The following NAALADL2 variants were observed in gnomAD, a reference collection of about 807,000 sequenced individuals.
The protein encoded by NAALADL2 is N-acetylated alpha-linked acidic dipeptidase like 2.
A neutral mutation model predicts 87.2 loss-of-function variants in NAALADL2; 76 were observed. The ratio of observed to expected loss-of-function variants is 0.87; its 90% CI spans 0.72 to 1.05. The LOEUF (loss-of-function observed/expected upper bound fraction) is 1.05. Among genes scored for constraint, NAALADL2 ranks in the 50% least tolerant of loss-of-function variants. The probability of loss-of-function intolerance (pLI) is 0.00; values close to 1 mark genes in which losing one functional copy is unlikely to be tolerated. For synonymous variants in NAALADL2, 354 were observed against 331.0 expected, an observed-to-expected ratio of 1.07 and a Z score of -0.75; for missense variants, 1,089 against 945.8, an observed-to-expected ratio of 1.15 and a Z score of -1.99.
At chr3:175,678,115 G>T (rs1211222992) in intron 11 of NAALADL2, among the ~76,000 whole-genome samples, 2 of 152,082 alleles carry the variant, frequency 1.3e-5, no homozygotes, top group Non-Finnish European at 2.9e-5. Flanking sequence ...TCATGTCAGA[G>T]GTTAAGTTTT....
chr3:175,682,535 A>T (rs1040383473), intron 11 of NAALADL2, among the ~76,000 whole-genome samples: 2 of 152,006 alleles, frequency 1.3e-5, no homozygotes, highest in African/African-American at 4.8e-5. Flanking sequence ...CAGATTGAGG[A>T]ACTCTAATAT....
In NAALADL2 at chr3:174,584,303, G is replaced by A. The variant is rs185251180; in HGVS notation, c.-115+33666G>A. Among the ~76,000 whole-genome samples the A allele has an allele frequency of 2.3e-4, 35 of 152,244 alleles. 1 individual carries two copies. The South Asian group carries it at 6.2e-3, about 27-fold the overall frequency. On this transcript the variant is annotated intron_variant, in intron 2 of 3. Transcript: ENST00000434257. ...AGCAAGTAATCAGATACACATAAAC[G>A]TATAAGGTCACTGGGTGTAGGGTGT...
chr3:175,126,731 G>C (rs888429050), intron 2 of NAALADL2, among the ~76,000 whole-genome samples: 1 of 152,026 alleles, frequency 6.6e-6, no homozygotes, highest in Non-Finnish European at 1.5e-5. Context: ...GATTAATGAA[G>C]TTTCCTGAGG....
rs538500858 is a variant in NAALADL2 at position 175,728,848 on chromosome 3, G to A, written c.1897-8458G>A. Among the ~76,000 whole-genome samples, 6 of 152,230 alleles carry A rather than the reference G, an allele frequency of 3.9e-5. No homozygotes were observed. The South Asian group carries it at 1.0e-3, about 26-fold the overall frequency. On this transcript the variant is annotated intron_variant, in intron 11 of 13. Transcript: ENST00000454872. The stretch of plus-strand genomic sequence containing the variant: ...CCTATGCCCCACACTCCACACACAA[G>A]CTTACTTCCCAGTAACTGAGAATTC...
rs1754948305 is a variant in NAALADL2, at chr3:175,809,137, A to G, written c.*5934A>G. 1 of 152,064 alleles carries G rather than the reference A, an allele frequency of 6.6e-6. No homozygotes were observed. Among genetic ancestry groups the G allele is most frequent in the South Asian group, 2.1e-4 (1 of 4,836 alleles). The allele number at this position is 152,064 out of a possible 1,614,324, so 9.4% of individuals were successfully genotyped here. ...ATTTTAAAAGTTAGAATAAAATGCT[A>G]TTACTCTCTAAACAGAACTTTAGCA... is the stretch of plus-strand genomic sequence containing the variant. On this transcript the variant is annotated 3_prime_UTR_variant, in exon 14 of 14. Transcript: ENST00000454872.
intron 4 of NAALADL2, among the ~76,000 whole-genome samples, chr3:175,258,321 C>G (rs369709903): frequency 2.8e-4 from 30 of 108,212 alleles, no homozygotes; most frequent in African/African-American, 1.1e-3. Flanking sequence ...CCGCCCCCAC[C>G]ACCAAAAAAA....
At chr3:174,675,252 A>G (rs761219264) in intron 2 of NAALADL2, among the ~76,000 whole-genome samples, 20 of 151,974 alleles carry the variant, frequency 1.3e-4, no homozygotes, top group Admixed American at 7.2e-4. Context: ...GATTATTCCT[A>G]GTTTTGAAAT....
intron 6 of NAALADL2, among the ~76,000 whole-genome samples, 187 bp downstream of exon 6, chr3:175,447,559 G>A (rs1363568947): frequency 1.3e-5 from 2 of 152,186 alleles, no homozygotes; most frequent in African/African-American, 4.8e-5. Context: ...TAGAGACTGA[G>A]AGTTGACCAA....
In NAALADL2 at chr3:175,014,201, G is replaced by A. The variant is rs555674488; in HGVS notation, c.44-82589G>A. ...GCTCCTCACACAGGACAGGTATGCCGTCACCTCTAGGTCTTTGCCCGTGAT... is the reference window on the plus strand; with the variant it reads ...GCTCCTCACACAGGACAGGTATGCCATCACCTCTAGGTCTTTGCCCGTGAT... On this transcript the variant is annotated intron_variant, in intron 1 of 13. Transcript: ENST00000454872. Among the ~76,000 whole-genome samples, 64 of 152,010 alleles carry A rather than the reference G, an allele frequency of 4.2e-4. 1 individual carries two copies. In the South Asian group the frequency reaches 6.4e-3, roughly 15 times the overall value.
intron 4 of NAALADL2, among the ~76,000 whole-genome samples, chr3:175,286,316 A>G (rs1754967659): frequency 6.6e-6 from 1 of 152,148 alleles, no homozygotes; most frequent in Non-Finnish European, 1.5e-5. Context: ...GCTGGCAAGG[A>G]GATTTACTGT....
intron 5 of NAALADL2, chr3:175,369,548 G>T (rs578070932): frequency 6.6e-6 from 1 of 152,206 alleles, no homozygotes; most frequent in Non-Finnish European, 1.5e-5. Context: ...TACATGCTAC[G>T]TATGTATACA....
At chr3:174,710,839 C>T (rs556001572) in intron 2 of NAALADL2, among the ~76,000 whole-genome samples, 4 of 152,304 alleles carry the variant, frequency 2.6e-5, no homozygotes, top group East Asian at 3.9e-4. Flanking sequence ...CAGAGAATTA[C>T]TCAGCCTAGC....
chr3:175,272,476 A>T (rs1282259856), intron 4 of NAALADL2, among the ~76,000 whole-genome samples: 2 of 152,074 alleles, frequency 1.3e-5, no homozygotes, highest in Admixed American at 1.3e-4. Flanking sequence ...ATTACCATAG[A>T]CCCTGATTTC....
intron 1 of NAALADL2, among the ~76,000 whole-genome samples, chr3:174,914,676 A>G (rs1734141447): frequency 6.6e-6 from 1 of 152,192 alleles, no homozygotes; most frequent in Admixed American, 6.6e-5. Flanking sequence ...TTTAGAAAGG[A>G]AAATTTTCAA....
At chr3:174,610,721 C>G (rs1348479544) in intron 2 of NAALADL2, among the ~76,000 whole-genome samples, 1 of 128,298 alleles carries the variant, frequency 7.8e-6, no homozygotes, top group Non-Finnish European at 1.6e-5. Context: ...GTTGTTGGGA[C>G]CGTAAACTAG....
intron 9 of NAALADL2, among the ~76,000 whole-genome samples, chr3:175,567,314 G>A (rs1277418478): frequency 6.6e-6 from 1 of 152,132 alleles, no homozygotes; most frequent in African/African-American, 2.4e-5. Flanking sequence ...TGTTGAGGGA[G>A]TAGAGAAGAA....
At chr3:175,505,872 T>TA (rs1168783394) in intron 9 of NAALADL2, among the ~76,000 whole-genome samples, 1 of 152,168 alleles carries the variant, frequency 6.6e-6, no homozygotes, top group Non-Finnish European at 1.5e-5. Context: ...ACCAAAGACT[T>TA]ACATCATTGG....
chr3:174,837,908 C>T (rs2109404099), intron 3 of NAALADL2, among the ~76,000 whole-genome samples: 1 of 151,186 alleles, frequency 6.6e-6, no homozygotes, highest in South Asian at 2.1e-4. Flanking sequence ...GAATTGGTGC[C>T]AATCCTGTTG....
intron 2 of NAALADL2, among the ~76,000 whole-genome samples, chr3:174,568,294 A>G (rs777388511): frequency 4.6e-5 from 7 of 151,836 alleles, no homozygotes; most frequent in Non-Finnish European, 1.0e-4. Flanking sequence ...TCTCATTATT[A>G]TGAGACGTAA....
Sources: gnomAD v4.1 joint callset for allele counts (sites outside exome capture counted in the v4.1 genomes callset) on GRCh38, gnomAD v4.1.1 for gene constraint, MANE v1.5 for transcripts, NCBI Gene and HGNC (gene_info 2026-07-23, HGNC 2026-07-21) for gene names.